Variants in ESRRB observed in about 807,000 individuals in gnomAD.
ESRRB encodes steroid hormone receptor ERR2.
In ESRRB, 16 loss-of-function variants were observed where a neutral mutation model predicts 46.0. The ratio of observed to expected loss-of-function variants is 0.35; its 90% confidence interval spans 0.24 to 0.53. The LOEUF (loss-of-function observed/expected upper bound fraction) is 0.53, where lower values mean the gene tolerates loss of function less well. Among genes scored for constraint, ESRRB ranks in the 20% least tolerant of loss-of-function variants. The pLI, the probability that ESRRB is intolerant of heterozygous loss-of-function variation, is 0.93. For missense variants in ESRRB, 488 were observed against 607.4 expected (o/e 0.80, Z 2.07); for synonymous variants, 246 against 259.6 (o/e 0.95, Z 0.50).
At chr14:76,321,413 A>C (rs918089343) in intron 1 of ESRRB, among the ~76,000 whole-genome samples, 7 of 152,282 alleles carry the variant, frequency 4.6e-5, no homozygotes, top group Middle Eastern at 3.4e-3. Flanking sequence ...CAGTTTTCAC[A>C]CTGGGGTTGA....
chr14:76,446,369 G>GTT (rs3832965), intron 2 of ESRRB, among the ~76,000 whole-genome samples: 1 of 145,908 alleles, frequency 6.9e-6, no homozygotes, highest in African/African-American at 2.5e-5. Context: ...TCTGTTGTTC[G>GTT]TTTTTTTTTT....
intron 1 of ESRRB, among the ~76,000 whole-genome samples, chr14:76,400,445 C>T (rs1885890764): frequency 6.6e-6 from 1 of 152,220 alleles, no homozygotes; most frequent in South Asian, 2.1e-4. Flanking sequence ...CCAAAAGGAA[C>T]CGCTTCCATT....
At chr14:76,429,368 G>T (rs1271007443) in intron 1 of ESRRB, among the ~76,000 whole-genome samples, 1 of 152,200 alleles carries the variant, frequency 6.6e-6, no homozygotes, top group Non-Finnish European at 1.5e-5. Flanking sequence ...GTCCAGAAAA[G>T]TGTTACCTAT....
In ESRRB at chr14:76,499,183, A is replaced by C; in HGVS notation, c.*725A>C. ...GAGTCCCCCGCTACTTCCTGACCCT[A>C]CCTCAGAGCTCACTCACCCAGTGGG... On this transcript the variant is annotated 3_prime_UTR_variant, in exon 7 of 7. Coordinates refer to ENST00000644823, the MANE Select transcript of ESRRB (RefSeq NM_001379180.1). 3 of 278,980 alleles carry C rather than the reference A, an allele frequency of 1.1e-5. No individual in the cohort carries two copies. Among genetic ancestry groups the C allele is most frequent in the Non-Finnish European group, 1.4e-5 (2 of 142,966 alleles). The allele number at this position is 278,980 out of a possible 1,614,324, so 17.3% of individuals were successfully genotyped here. A position where few individuals can be genotyped will look rare whatever the true frequency, so the allele number is the denominator to read the frequency against.
upstream of ESRRB, among the ~76,000 whole-genome samples, chr14:76,371,990 A>C (rs897549676): frequency 1.3e-5 from 2 of 152,132 alleles, no homozygotes; most frequent in Non-Finnish European, 2.9e-5. Flanking sequence ...CTGCCTCAAG[A>C]GAGGGAAGAT....
At chr14:76,408,047 C>G (rs74642193) in intron 1 of ESRRB, among the ~76,000 whole-genome samples, 2,638 of 152,186 alleles carry the variant, frequency 0.017, 76 homozygotes, top group African/African-American at 0.061. Flanking sequence ...GTGTCTGGCT[C>G]CAGTTATTTC....
At chr14:76,382,303 G>A (rs1167949945) in intron 1 of ESRRB, among the ~76,000 whole-genome samples, 1 of 152,322 alleles carries the variant, frequency 6.6e-6, no homozygotes, top group Admixed American at 6.5e-5. Context: ...TCCAGCAGGG[G>A]CTGCCGTGCC....
intron 2 of ESRRB, among the ~76,000 whole-genome samples, chr14:76,461,199 G>A (rs530314654): frequency 3.9e-5 from 6 of 152,196 alleles, no homozygotes; most frequent in African/African-American, 1.4e-4. Context: ...TGGAAGGTCA[G>A]TTCAACCTAA....
chr14:76,333,462 A>ATATTTATATATGATATAT (rs1191662415), intron 1 of ESRRB, among the ~76,000 whole-genome samples: 2 of 85,468 alleles, frequency 2.3e-5, no homozygotes, highest in South Asian at 3.4e-4. Context: ...TATCATATAT[A>ATATTTATATATGATATAT]AATATATCAT....
intron 1 of ESRRB, among the ~76,000 whole-genome samples, chr14:76,349,147 G>A (rs1884284917): frequency 6.6e-6 from 1 of 152,190 alleles, no homozygotes; most frequent in Non-Finnish European, 1.5e-5. Flanking sequence ...CAGCGCATCC[G>A]GACAGAGTTA....
intron 1 of ESRRB, among the ~76,000 whole-genome samples, chr14:76,363,734 C>T (rs1595055215): frequency 6.6e-6 from 1 of 152,118 alleles, no homozygotes; most frequent in South Asian, 2.1e-4. Flanking sequence ...CACATATTTC[C>T]CCAGTTATCT....
chr14:76,451,726 G>A (rs535592480), intron 2 of ESRRB, among the ~76,000 whole-genome samples: 31 of 151,250 alleles, frequency 2.0e-4, no homozygotes, highest in African/African-American at 6.8e-4. Context: ...GGGTTCAAGC[G>A]ATTCTTCTGC....
chr14:76,383,024 G>A (rs1885076008), intron 1 of ESRRB, among the ~76,000 whole-genome samples: 2 of 152,140 alleles, frequency 1.3e-5, no homozygotes, highest in African/African-American at 4.8e-5. Context: ...ACAAGCCTTT[G>A]TTTTTATCTT....
Position 76,487,161 on chromosome 14 carries a change from C to T in ESRRB, c.851-4286C>T, listed in dbSNP as rs118060888. Among the ~76,000 whole-genome samples the T allele has an allele frequency of 1.5e-3, 231 of 152,256 alleles. 1 individual carries two copies. Among genetic ancestry groups the T allele is most frequent in the East Asian group, 0.012 (62 of 5,182 alleles). ...CTTATACCATAACACTGCTTTACAC[C>T]TGCTTTTTCCATTTAATTATACAAA... On this transcript the variant is annotated intron_variant, in intron 5 of 6. Coordinates refer to ENST00000644823, the MANE Select transcript of ESRRB (RefSeq NM_001379180.1).
At chr14:76,339,073 C>T (rs1466641587) in intron 1 of ESRRB, among the ~76,000 whole-genome samples, 1 of 152,160 alleles carries the variant, frequency 6.6e-6, no homozygotes, top group Non-Finnish European at 1.5e-5. Flanking sequence ...CAGTTATTTT[C>T]TCCTCTTTCC....
intron 2 of ESRRB, among the ~76,000 whole-genome samples, chr14:76,446,514 T>C (rs988830147): frequency 3.9e-5 from 6 of 152,034 alleles, no homozygotes; most frequent in African/African-American, 1.2e-4. Context: ...CTCAACCTGA[T>C]TGCATTTACT....
intron 1 of ESRRB, among the ~76,000 whole-genome samples, chr14:76,424,667 G>T (rs527813188): frequency 6.6e-6 from 1 of 152,206 alleles, no homozygotes; most frequent in African/African-American, 2.4e-5. Flanking sequence ...TGAGGGAGGT[G>T]TCAGTACTGC....
intron 1 of ESRRB, among the ~76,000 whole-genome samples, chr14:76,329,944 T>C (rs1883991714): frequency 6.9e-6 from 1 of 145,408 alleles, no homozygotes; most frequent in South Asian, 2.3e-4. Flanking sequence ...ATAACTTTGC[T>C]TGTCCTTGGG....
intron 5 of ESRRB, among the ~76,000 whole-genome samples, chr14:76,490,753 G>A (rs779767397): frequency 6.6e-5 from 10 of 152,212 alleles, no homozygotes; most frequent in Non-Finnish European, 1.2e-4. Context: ...CCAAGCTCCC[G>A]GAACAGGCCT....
Sources: allele counts gnomAD v4.1 joint callset (sites outside exome capture counted in the v4.1 genomes callset), GRCh38; gene constraint gnomAD v4.1.1; transcripts MANE v1.5; gene names NCBI Gene and HGNC (gene_info 2026-07-23, HGNC 2026-07-21).